Variants in AUTS2 observed in about 807,000 individuals in gnomAD.
The protein encoded by AUTS2 is activator of transcription and developmental regulator AUTS2.
In AUTS2, 17 loss-of-function variants were observed where a neutral mutation model predicts 112.4. The observed-to-expected ratio is 0.15, with a 90% CI of 0.10 to 0.23. The LOEUF is 0.23. Ranked by LOEUF, AUTS2 falls within the 10% of genes least tolerant of loss-of-function variation. The pLI is 1.00. For missense variants in AUTS2, 1,510 were observed against 1,701.6 expected, an observed-to-expected ratio of 0.89 and a Z score of 1.98; for synonymous variants, 751 against 702.7, an observed-to-expected ratio of 1.07 and a Z score of -1.09.
chr7:69,602,458 A>C (rs969837338), intron 1 of AUTS2, among the ~76,000 whole-genome samples: 11 of 152,238 alleles, frequency 7.2e-5, no homozygotes, highest in Admixed American at 2.6e-4. Context: ...AAAATTAAAC[A>C]TACAGAAGTA....
intron 1 of AUTS2, among the ~76,000 whole-genome samples, chr7:69,600,408 CGTGT>C (rs113179115): frequency 0.072 from 10,293 of 143,282 alleles, 448 homozygotes; most frequent in East Asian, 0.13. Context: ...GTCATATGTT[CGTGT>C]GTGTGTGTGT....
At chr7:70,053,185 A>G (rs2129559539) in intron 2 of AUTS2, among the ~76,000 whole-genome samples, 1 of 152,282 alleles carries the variant, frequency 6.6e-6, no homozygotes, top group East Asian at 1.9e-4. Flanking sequence ...TTAACTAGGC[A>G]TGTCTATGTT....
intron 1 of AUTS2, among the ~76,000 whole-genome samples, chr7:69,632,801 G>C (rs1024864911): frequency 2.0e-5 from 3 of 152,094 alleles, no homozygotes; most frequent in Non-Finnish European, 2.9e-5. Flanking sequence ...TTTGGAAAAT[G>C]TTAAATGTAG....
intron 5 of AUTS2, among the ~76,000 whole-genome samples, chr7:70,595,882 A>G (rs972557615): frequency 6.6e-6 from 1 of 152,138 alleles, no homozygotes; most frequent in African/African-American, 2.4e-5. Flanking sequence ...CACGGTACTG[A>G]GCCGCGGGCT....
intron 2 of AUTS2, among the ~76,000 whole-genome samples, chr7:69,957,081 T>A (rs2129546579): frequency 6.6e-6 from 1 of 151,096 alleles, no homozygotes; most frequent in South Asian, 2.1e-4. Context: ...GAGACGGGGT[T>A]TTGCCAGGCT....
At chr7:70,592,106 A>G (rs1444519613) in intron 5 of AUTS2, among the ~76,000 whole-genome samples, 1 of 152,240 alleles carries the variant, frequency 6.6e-6, no homozygotes, top group Non-Finnish European at 1.5e-5. Flanking sequence ...AAATGTAGAA[A>G]ATGTAATACA....
chr7:70,740,612 T>C (rs147485587), intron 6 of AUTS2, among the ~76,000 whole-genome samples: 2 of 152,298 alleles, frequency 1.3e-5, no homozygotes, highest in African/African-American at 2.4e-5. Context: ...TCTTCCAAAT[T>C]CTGCTTATTG....
chr7:69,854,772 C>A (rs1284561173), intron 1 of AUTS2, among the ~76,000 whole-genome samples: 1 of 152,068 alleles, frequency 6.6e-6, no homozygotes, highest in Non-Finnish European at 1.5e-5. Context: ...GTGCGAGATG[C>A]TGGGGATATT....
At chr7:70,134,919 A>G (rs1241585337) in intron 4 of AUTS2, among the ~76,000 whole-genome samples, 1 of 152,138 alleles carries the variant, frequency 6.6e-6, no homozygotes, top group Non-Finnish European at 1.5e-5. Flanking sequence ...GATGGAATTC[A>G]GATTATGCAT....
chr7:70,161,248 T>C (rs894608647), intron 4 of AUTS2, among the ~76,000 whole-genome samples: 1 of 152,044 alleles, frequency 6.6e-6, no homozygotes, highest in African/African-American at 2.4e-5. Context: ...TTGCTGTGCT[T>C]GTTTAATGAA....
At chr7:70,289,835 C>G (rs370357714) in intron 4 of AUTS2, among the ~76,000 whole-genome samples, 18 of 152,194 alleles carry the variant, frequency 1.2e-4, no homozygotes, top group African/African-American at 3.6e-4. Context: ...TGGATGTTAC[C>G]AAGTATGTAA....
intron 5 of AUTS2, among the ~76,000 whole-genome samples, chr7:70,448,401 G>T (rs1796403287): frequency 6.6e-6 from 1 of 152,158 alleles, no homozygotes; most frequent in Non-Finnish European, 1.5e-5. Flanking sequence ...TTCTCACTGA[G>T]AAATTTAAAA....
intron 5 of AUTS2, among the ~76,000 whole-genome samples, chr7:70,605,069 G>C (rs188625378): frequency 1.3e-5 from 2 of 152,278 alleles, no homozygotes; most frequent in Admixed American, 1.3e-4. Flanking sequence ...CACGCAAATG[G>C]TCATGATATC....
intron 1 of AUTS2, among the ~76,000 whole-genome samples, chr7:69,738,721 G>T (rs970642634): frequency 1.3e-5 from 2 of 152,104 alleles, no homozygotes; most frequent in Admixed American, 1.3e-4. Flanking sequence ...TTGGTTTGTG[G>T]CAGGCGTGAT....
chr7:70,236,456 C>T (rs1248120722), intron 4 of AUTS2, among the ~76,000 whole-genome samples: 3 of 152,084 alleles, frequency 2.0e-5, no homozygotes, highest in Admixed American at 6.6e-5. Flanking sequence ...CAATTTTCAA[C>T]CTTTTTGATA....
intron 1 of AUTS2, among the ~76,000 whole-genome samples, chr7:69,822,633 A>G (rs978597809): frequency 1.3e-5 from 2 of 152,238 alleles, no homozygotes; most frequent in Non-Finnish European, 2.9e-5. Context: ...AGCATAAGAT[A>G]TGGAAGTTTG....
intron 5 of AUTS2, among the ~76,000 whole-genome samples, chr7:70,537,659 A>G (rs1365430866): frequency 5.9e-5 from 9 of 152,180 alleles, no homozygotes; most frequent in Admixed American, 3.9e-4. Context: ...AGTGAGAAGT[A>G]GCGTGTGGTG....
chr7:69,765,918 G>C lies in AUTS2; in HGVS notation c.310-133368G>C, dbSNP rs927514006. ...GGTGAGATCATGCCACTGCATTCCA[G>C]CCTGGCTGGCAAAGTGAGACCCTGT... On this transcript the variant is annotated intron_variant, in intron 1 of 18. Transcript: ENST00000342771. Among the ~76,000 whole-genome samples the C allele has an allele frequency of 7.9e-5, 12 of 152,278 alleles. No homozygotes were observed. In the South Asian group the frequency reaches 1.2e-3, roughly 16 times the overall value.
intron 2 of AUTS2, among the ~76,000 whole-genome samples, chr7:69,985,667 G>T (rs1238707988): frequency 6.6e-6 from 1 of 152,028 alleles, no homozygotes; most frequent in Non-Finnish European, 1.5e-5. Flanking sequence ...ACATCCCCAT[G>T]TGGTGGGTTC....
Sources: gnomAD v4.1 joint callset for allele counts (sites outside exome capture counted in the v4.1 genomes callset) on GRCh38, gnomAD v4.1.1 for gene constraint, MANE v1.5 for transcripts, NCBI Gene and HGNC (gene_info 2026-07-23, HGNC 2026-07-21) for gene names.